The following NUP210 variants were observed in gnomAD, a reference collection of about 807,000 sequenced individuals.
NUP210 encodes the protein nuclear pore membrane glycoprotein 210.
A neutral mutation model predicts 196.0 loss-of-function variants in NUP210; 151 were observed. The observed-to-expected ratio is 0.77, with a 90% CI of 0.67 to 0.88. The LOEUF (loss-of-function observed/expected upper bound fraction) is 0.88. Ranked by LOEUF, NUP210 falls within the 40% of genes least tolerant of loss-of-function variation. The probability of loss-of-function intolerance (pLI) is 0.00; values close to 1 mark genes in which losing one functional copy is unlikely to be tolerated. For missense variants in NUP210, 2,314 were observed against 2,493.7 expected (o/e 0.93, Z 1.53); for synonymous variants, 1,070 against 1,052.7 (o/e 1.02, Z -0.32).
In NUP210 at chr3:13,335,550, G is replaced by A; in HGVS notation, c.3747C>T (p.Gly1249=). 2 of 1,614,104 alleles carry A rather than the reference G, an allele frequency of 1.2e-6. No individual in the cohort carries two copies. Among genetic ancestry groups the A allele is most frequent in the Non-Finnish European group, 1.7e-6 (2 of 1,180,042 alleles). Residue 1249 remains glycine, a synonymous_variant, in exon 28 of 40, where the codon GGC becomes GGT. Coordinates refer to ENST00000254508, the MANE Select transcript of NUP210 (RefSeq NM_024923.4). ...FAMNVLGRVK[G]RTGLRVVVKA... is the part of the protein sequence containing the mutation. ...TGACCACCACCCTCAGCCCGGTCCG[G>A]CCTTTTACCCGGCCGAGCACGTTCA...
intron 32 of NUP210, 45 bp from the exon 33 acceptor site, chr3:13,325,976 A>C: frequency 6.2e-7 from 1 of 1,602,112 alleles, no homozygotes; most frequent in Non-Finnish European, 8.5e-7. Flanking sequence ...ATAGCTGGAC[A>C]CTCCAGTCAA....
intron 1 of NUP210, among the ~76,000 whole-genome samples, chr3:13,404,732 C>T (rs1699949800): frequency 6.6e-6 from 1 of 152,200 alleles, no homozygotes. Context: ...TCACAGCTTT[C>T]CAGGATGGGC....
intron 1 of NUP210, among the ~76,000 whole-genome samples, chr3:13,403,205 T>C (rs1298371860): frequency 6.6e-6 from 1 of 152,236 alleles, no homozygotes; most frequent in Non-Finnish European, 1.5e-5. Context: ...GGGGCTGCCA[T>C]GACAAAACAT....
At chr3:13,398,754 C>T (rs1248657248) in intron 2 of NUP210, among the ~76,000 whole-genome samples, 1 of 151,938 alleles carries the variant, frequency 6.6e-6, no homozygotes, top group Non-Finnish European at 1.5e-5. Flanking sequence ...ACGCCCAACT[C>T]GCCACAAAAA....
chr3:13,373,622 G>A (rs776690429), intron 12 of NUP210, 96 bp downstream of exon 12: 1 of 1,285,458 alleles, frequency 7.8e-7, no homozygotes, highest in Non-Finnish European at 1.1e-6. Context: ...CCCAAGGTTG[G>A]GGGTGTTTCT....
At chr3:13,405,706 A>G (rs1699983988) in intron 1 of NUP210, among the ~76,000 whole-genome samples, 1 of 152,202 alleles carries the variant, frequency 6.6e-6, no homozygotes, top group African/African-American at 2.4e-5. Flanking sequence ...ACTTCTATTT[A>G]TCACTGAATC....
chr3:13,322,128 C>T (rs1247817360), intron 35 of NUP210, 65 bp downstream of exon 35: 22 of 1,581,294 alleles, frequency 1.4e-5, no homozygotes, highest in Middle Eastern at 1.7e-4. Context: ...ACGTGGAAGC[C>T]GCAAGATGCC....
intron 11 of NUP210, among the ~76,000 whole-genome samples, chr3:13,374,560 C>T (rs1698837823): frequency 6.6e-6 from 1 of 152,112 alleles, no homozygotes; most frequent in African/African-American, 2.4e-5. Context: ...CTGGGGACCT[C>T]GAGACCGATG....
At chr3:13,408,281 A>T (rs921434659) in intron 1 of NUP210, among the ~76,000 whole-genome samples, 1 of 152,176 alleles carries the variant, frequency 6.6e-6, no homozygotes, top group Non-Finnish European at 1.5e-5. Context: ...CTAGTATTTT[A>T]AAAAATTGTG....
Position 13,365,931 on chromosome 3 carries a change from G to A in NUP210, c.1932+15C>T. 6.2e-7 allele frequency: 1 copy of A among 1,613,746 alleles called. No individual in the cohort carries two copies. The highest frequency in any genetic ancestry group is 8.5e-7 in the Non-Finnish European group (1 of 1,179,676). On this transcript the variant is annotated intron_variant, in intron 14 of 39. Transcript: ENST00000254508. ...GTGGGCAGGGGGGTGGTAAAGGGCA[G>A]GGCCCCTGGCTCACCTTGAGGGGCA...
chr3:13,420,151 C>T lies in NUP210; in HGVS notation c.76G>A (p.Ala26Thr). ...LLAAGPSAAA[A>T]KLNIPKVLLP... Reference sequence around the variant, plus strand: ...AGCACTTTGGGGATGTTGAGCTTGGCCGCAGCGGCGGAGGGGCCCGCCGCC... The same window carrying T: ...AGCACTTTGGGGATGTTGAGCTTGGTCGCAGCGGCGGAGGGGCCCGCCGCC... The change falls in exon 1 of 40, where the codon GCC (alanine) becomes ACC (threonine). Residue 26 changes from alanine (A) to threonine (T), a missense_variant. Transcript: ENST00000254508. This position sits in a 1 kb window ranked among gnomAD's most constrained non-coding sequence, Gnocchi z 4.8. The T allele has an allele frequency of 1.5e-6, 2 of 1,312,760 alleles. No individual in the cohort carries two copies. The highest frequency in any genetic ancestry group is 2.0e-6 in the Non-Finnish European group (2 of 1,012,020). 81.3% of individuals were successfully genotyped at this position (1,312,760 alleles called of 1,614,324 possible). A position where few individuals can be genotyped will look rare whatever the true frequency, so the allele number is the denominator to read the frequency against.
chr3:13,320,646 A>AAG (rs1186019392), intron 36 of NUP210, among the ~76,000 whole-genome samples: 1 of 149,094 alleles, frequency 6.7e-6, no homozygotes, highest in East Asian at 2.0e-4. Context: ...AAAAAAAAAA[A>AAG]AAAAACTTTG....
In NUP210 at chr3:13,336,913, G is replaced by T; in HGVS notation, c.3558C>A (p.Pro1186=). 6.2e-7 allele frequency: 1 copy of T among 1,613,340 alleles called. No individual in the cohort carries two copies. Among genetic ancestry groups the T allele is most frequent in the South Asian group, 1.1e-5 (1 of 91,020 alleles). The change falls in exon 27 of 40, where the codon CCC becomes CCA. Residue 1186 remains proline (P), a synonymous_variant. Coordinates refer to ENST00000254508, the MANE Select transcript of NUP210 (RefSeq NM_024923.4). ...GGTTGGTGATGCCGGTGACATAGATGGGCATCTGCAGGGGAGAAGTCAGGC... is the reference window on the plus strand; with the variant it reads ...GGTTGGTGATGCCGGTGACATAGATTGGCATCTGCAGGGGAGAAGTCAGGC... ...IMRMRTGTQM[P]IYVTGITNHQ... is the part of the protein sequence containing the mutation.
intron 26 of NUP210, 53 bp from the exon 27 acceptor site, chr3:13,336,971 C>A: frequency 6.2e-7 from 1 of 1,604,874 alleles, no homozygotes; most frequent in Non-Finnish European, 8.5e-7. Context: ...ACTGGGAATG[C>A]CCCCAGAAGC....
At position 13,319,770 on chromosome 3, in the gene NUP210, G is replaced by C; in HGVS notation, c.5376C>G (p.Pro1792=). Residue 1792 remains proline, a synonymous_variant, in exon 37 of 40, where the codon CCC becomes CCG. Transcript: ENST00000254508. The stretch of plus-strand genomic sequence containing the variant: ...TGTCGTTCCGTGACTCACAAGGACC[G>C]GGCCCACGGCGATCCACCACAAAAG... The part of the protein sequence containing the change: ...TVAFVVDRRG[P]GPYGASLFQH... The C allele has an allele frequency of 6.2e-7, 1 of 1,614,002 alleles. No individual in the cohort carries two copies. The highest frequency in any genetic ancestry group is 1.3e-5 in the African/African-American group (1 of 75,032).
chr3:13,327,870 C>T (rs1196309937), intron 31 of NUP210, among the ~76,000 whole-genome samples: 2 of 152,228 alleles, frequency 1.3e-5, no homozygotes, highest in Non-Finnish European at 1.5e-5. Flanking sequence ...TGGGGATCAT[C>T]ACGTGACCGT....
At chr3:13,337,992 G>C in intron 25 of NUP210, 75 bp from the exon 26 acceptor site, 2 of 1,390,522 alleles carry the variant, frequency 1.4e-6, no homozygotes, top group Non-Finnish European at 1.0e-6. Flanking sequence ...GACCCCTCAA[G>C]GGAAGCAGGC....
chr3:13,354,612 T>G (rs999734782), intron 16 of NUP210: 3 of 158,012 alleles, frequency 1.9e-5, no homozygotes, highest in African/African-American at 7.2e-5. Flanking sequence ...CAGGCACATG[T>G]CGGTGCCTCT....
chr3:13,420,197 C>G lies in NUP210; in HGVS notation c.30G>C (p.Leu10=), dbSNP rs963551502. 8.3e-7 allele frequency: 1 copy of G among 1,211,390 alleles called. No homozygotes were observed. The highest frequency in any genetic ancestry group is 1.6e-5 in the African/African-American group (1 of 62,788). 75.0% of individuals were successfully genotyped at this position (1,211,390 alleles called of 1,614,324 possible). The change falls in exon 1 of 40, where the codon CTG becomes CTC. Residue 10 remains leucine, a synonymous_variant. Coordinates refer to ENST00000254508, the MANE Select transcript of NUP210 (RefSeq NM_024923.4). This position sits in a 1 kb window ranked among gnomAD's most constrained non-coding sequence, Gnocchi z 4.8. ...CCGCCAACAGCACCGACAGCGTCAGCAGCAGCAGCCCCCGGCCCCGCGCCG... is the reference window on the plus strand; with the variant it reads ...CCGCCAACAGCACCGACAGCGTCAGGAGCAGCAGCCCCCGGCCCCGCGCCG... MAARGRGLL[L]LTLSVLLAAG... is the part of the protein sequence containing the mutation.
Sources: allele counts gnomAD v4.1 joint callset (sites outside exome capture counted in the v4.1 genomes callset), GRCh38; gene constraint gnomAD v4.1.1; non-coding constraint Gnocchi (gnomAD v3.1); transcripts MANE v1.5; gene names NCBI Gene and HGNC (gene_info 2026-07-23, HGNC 2026-07-21).